The following NAPA variants were observed in gnomAD, a reference collection of about 807,000 sequenced individuals.
NAPA encodes the protein alpha-soluble NSF attachment protein.
In NAPA, 18 loss-of-function variants were observed where a neutral mutation model predicts 48.0. The observed-to-expected ratio is 0.38, with a 90% confidence interval of 0.26 to 0.56. NAPA has a LOEUF of 0.56. Ranked by LOEUF, NAPA falls within the 20% of genes least tolerant of loss-of-function variation. The probability of loss-of-function intolerance (pLI) is 0.77; values close to 1 mark genes in which losing one functional copy is unlikely to be tolerated. For synonymous variants in NAPA, 152 were observed against 149.9 expected (o/e 1.01, Z -0.10); for missense variants, 315 against 385.0 (o/e 0.82, Z 1.52).
downstream of NAPA, among the ~76,000 whole-genome samples, chr19:47,485,928 G>A (rs370249527): frequency 6.6e-6 from 1 of 152,172 alleles, no homozygotes; most frequent in African/African-American, 2.4e-5. Flanking sequence ...GCGTCTTCCC[G>A]CCCTAGTAAC....
chr19:47,500,318 C>T (rs529207127), intron 3 of NAPA, among the ~76,000 whole-genome samples: 1 of 152,328 alleles, frequency 6.6e-6, no homozygotes, highest in Admixed American at 6.5e-5. Context: ...TTTCCTCTCT[C>T]CCCGGCAGGC....
chr19:47,492,451 G>A (rs1022254073), intron 7 of NAPA: 4 of 415,494 alleles, frequency 9.6e-6, no homozygotes, highest in Non-Finnish European at 1.8e-5. Context: ...TGGGCAGAGC[G>A]GCGGCAGGCG....
downstream of NAPA, among the ~76,000 whole-genome samples, chr19:47,486,874 C>G (rs1457579721): frequency 1.3e-5 from 2 of 152,188 alleles, no homozygotes; most frequent in Non-Finnish European, 2.9e-5. Flanking sequence ...GGGCTGGAGC[C>G]CCTCTCCCAG....
chr19:47,513,299 C>A (rs889600640), intron 1 of NAPA, among the ~76,000 whole-genome samples: 1 of 152,222 alleles, frequency 6.6e-6, no homozygotes, highest in African/African-American at 2.4e-5. Context: ...CCTCTCCGCT[C>A]GGGCGTCCAC....
At chr19:47,497,974 T>G (rs1968473620) in intron 3 of NAPA, among the ~76,000 whole-genome samples, 1 of 152,160 alleles carries the variant, frequency 6.6e-6, no homozygotes, top group Non-Finnish European at 1.5e-5. Flanking sequence ...GGCCCGAGTC[T>G]GCCCTGAGCA....
chr19:47,499,232 G>A (rs1968511583), intron 3 of NAPA, among the ~76,000 whole-genome samples: 1 of 152,234 alleles, frequency 6.6e-6, no homozygotes. Context: ...TGAGGGGTCT[G>A]CTGAAAGAGC....
chr19:47,502,735 C>T (rs1968607679), intron 2 of NAPA, among the ~76,000 whole-genome samples: 2 of 152,206 alleles, frequency 1.3e-5, no homozygotes, highest in Non-Finnish European at 1.5e-5. Context: ...ACTTCTTGGG[C>T]CTGCAGGGAG....
chr19:47,488,225 TCGGCCCCACCTCTCTCTGAGCAG>T lies in NAPA; in HGVS notation c.*40_*62del, dbSNP rs541756415. 9.5e-4 allele frequency: 1,396 copies of T among 1,469,236 alleles called. 30 individuals carry two copies. The Admixed American group carries it at 0.023, about 24-fold the overall frequency. 91.0% of individuals were successfully genotyped at this position (1,469,236 alleles called of 1,614,324 possible). A position where few individuals can be genotyped will look rare whatever the true frequency, so the allele number is the denominator to read the frequency against. On this transcript the variant is annotated 3_prime_UTR_variant, in exon 11 of 11. Transcript: ENST00000263354. ...AAGGAGGGAAGCTCTCCAGCAAGTC[TCGGCCCCACCTCTCTCTGAGCAG>T]ATGGGACAGGAAGACGGGCACTGGG...
At chr19:47,507,504 C>G (rs765595337) in intron 1 of NAPA, among the ~76,000 whole-genome samples, 2 of 152,186 alleles carry the variant, frequency 1.3e-5, no homozygotes, top group Non-Finnish European at 2.9e-5. Flanking sequence ...TGGACAAAGT[C>G]AGGCCCCCAT....
intron 9 of NAPA, among the ~76,000 whole-genome samples, chr19:47,490,218 TGTG>T (rs762574248): frequency 1.1e-4 from 16 of 139,994 alleles, no homozygotes; most frequent in Non-Finnish European, 2.2e-4. Flanking sequence ...GGGTGTGTCA[TGTG>T]TGGTGTGTGT....
Position 47,492,905 on chromosome 19 carries a change from A to C in NAPA, c.561+56T>G, listed in dbSNP as rs73940860. 6.5e-4 allele frequency: 1,013 copies of C among 1,553,224 alleles called. 6 individuals are homozygous for C. In the African/African-American group the frequency reaches 0.011, roughly 17 times the overall value. On this transcript the variant is annotated intron_variant, in intron 7 of 10. Transcript: ENST00000263354. ...GAACAAGGTGCCGGGGCTTAGGAGG[A>C]GGCACAGGCCCTGAGAGGGGGCAGG...
chr19:47,485,518 G>T (rs1483205845), downstream of NAPA, among the ~76,000 whole-genome samples: 1 of 152,176 alleles, frequency 6.6e-6, no homozygotes, highest in Non-Finnish European at 1.5e-5. Context: ...CAGCTGTCCT[G>T]GACACCTCGA....
chr19:47,486,251 A>G (rs769417489), downstream of NAPA, among the ~76,000 whole-genome samples: 1 of 152,108 alleles, frequency 6.6e-6, no homozygotes, highest in African/African-American at 2.4e-5. Flanking sequence ...GCTACTCGGG[A>G]GACTGAGGCA....
At chr19:47,514,747 G>C in intron 1 of NAPA, 96 bp downstream of exon 1, 2 of 1,195,904 alleles carry the variant, frequency 1.7e-6, no homozygotes, top group South Asian at 2.6e-5. Flanking sequence ...CCGTCCCCTC[G>C]GCCCGAGCTC....
At chr19:47,488,511 T>G (rs193229489) in intron 10 of NAPA, 122 bp from the exon 11 acceptor site, 7 of 701,586 alleles carry the variant, frequency 1.0e-5, no homozygotes, top group Non-Finnish European at 1.7e-5. Context: ...TGAGGAGGAG[T>G]AGAGGGAGGG....
intron 3 of NAPA, 149 bp from the exon 4 acceptor site, chr19:47,495,745 G>C (rs1054466040): frequency 8.4e-6 from 6 of 713,488 alleles, no homozygotes; most frequent in Non-Finnish European, 1.5e-5. Flanking sequence ...ACACTCTCAA[G>C]GGGCTGGGAA....
At chr19:47,486,962 A>C (rs557411517), downstream of NAPA, among the ~76,000 whole-genome samples, 7 of 152,214 alleles carry the variant, frequency 4.6e-5, no homozygotes, top group Admixed American at 1.3e-4. Flanking sequence ...TTTTCCCATC[A>C]TGCCTGGGCA....
At chr19:47,507,464 G>A (rs1209277329) in intron 1 of NAPA, among the ~76,000 whole-genome samples, 2 of 152,154 alleles carry the variant, frequency 1.3e-5, no homozygotes, top group African/African-American at 2.4e-5. Context: ...CCCACCACCT[G>A]CAGCTCCCGA....
intron 1 of NAPA, among the ~76,000 whole-genome samples, chr19:47,511,103 A>G (rs926110037): frequency 2.0e-5 from 3 of 152,244 alleles, no homozygotes; most frequent in Non-Finnish European, 2.9e-5. Flanking sequence ...AGGCCCCTCA[A>G]TGTGGGATGC....
Sources: allele counts gnomAD v4.1 joint callset (sites outside exome capture counted in the v4.1 genomes callset), GRCh38; gene constraint gnomAD v4.1.1; transcripts MANE v1.5; gene names NCBI Gene and HGNC (gene_info 2026-07-23, HGNC 2026-07-21).